The following CREBBP variants were observed in gnomAD, a reference collection of about 807,000 sequenced individuals.
CREBBP encodes CREB binding lysine acetyltransferase.
A neutral mutation model predicts 265.0 loss-of-function variants in CREBBP; 19 were observed. The observed-to-expected ratio is 0.07, with a 90% CI of 0.05 to 0.11. The LOEUF (loss-of-function observed/expected upper bound fraction) is 0.11. CREBBP is among the 10% of genes least tolerant of loss of function. The probability of loss-of-function intolerance (pLI) is 1.00; values close to 1 mark genes in which losing one functional copy is unlikely to be tolerated. For synonymous variants in CREBBP, 1,457 were observed against 1,223.7 expected (o/e 1.19, Z -3.98); for missense variants, 2,525 against 3,219.0 (o/e 0.78, Z 5.22).
At chr16:3,801,181 C>G (rs1391829933) in intron 3 of CREBBP, among the ~76,000 whole-genome samples, 1 of 152,204 alleles carries the variant, frequency 6.6e-6, no homozygotes, top group Admixed American at 6.5e-5. Context: ...TCCTGCAGCT[C>G]TCTGTGCCCC....
At chr16:3,816,931 C>A (rs2054047480) in intron 2 of CREBBP, among the ~76,000 whole-genome samples, 1 of 152,126 alleles carries the variant, frequency 6.6e-6, no homozygotes, top group African/African-American at 2.4e-5. Flanking sequence ...TGACCAAAGT[C>A]AAGGCACAAA....
intron 22 of CREBBP, 97 bp from the exon 23 acceptor site, chr16:3,745,058 T>C: frequency 9.9e-7 from 1 of 1,011,590 alleles, no homozygotes; most frequent in Admixed American, 1.8e-5. Context: ...GCAGTTTAAA[T>C]CACATTATTA....
intron 27 of CREBBP, 75 bp from the exon 28 acceptor site, chr16:3,736,278 C>A: frequency 6.8e-7 from 1 of 1,462,078 alleles, no homozygotes; most frequent in Non-Finnish European, 9.6e-7. Flanking sequence ...CAGACCCCCA[C>A]GCAAGCGTGC....
At position 3,729,146 on chromosome 16, in the gene CREBBP, C is replaced by A. The variant is rs2151307425; in HGVS notation, c.5901G>T (p.Gln1967His). Residue 1967 changes from glutamine (Q) to histidine (H), a missense_variant, in exon 31 of 31, where the codon CAG becomes CAT. Physicochemically the swap from Gln to His is conservative, Grantham distance 24. Coordinates refer to ENST00000262367, the MANE Select transcript of CREBBP (RefSeq NM_004380.3). ...TCACCCGGTACAGGTGCTGCTGCTG[C>A]TGGGCCTCACGCTCGATCTGCCGAG... is the stretch of plus-strand genomic sequence containing the variant. ...EAARQIEREAQQQQHLYRVNI... is the reference protein window; with the variant it reads ...EAARQIEREAHQQQHLYRVNI... The A allele has an allele frequency of 6.7e-7, 1 of 1,498,968 alleles. No homozygotes were observed. Among genetic ancestry groups the A allele is most frequent in the Non-Finnish European group, 8.9e-7 (1 of 1,122,696 alleles). 92.9% of individuals were successfully genotyped at this position (1,498,968 alleles called of 1,614,324 possible).
At chr16:3,771,138 G>A (rs992180367) in intron 13 of CREBBP, 152 bp from the exon 14 acceptor site, 19 of 806,294 alleles carry the variant, frequency 2.4e-5, no homozygotes, top group African/African-American at 1.5e-4. Flanking sequence ...GTGCGATCTC[G>A]GCTCACTGCA....
chr16:3,770,687 T>C lies in CREBBP; in HGVS notation c.2763A>G (p.Ala921=), dbSNP rs2141200314. ...GCTGCGGGGTCACCTGGGCCTGGGC[T>C]GCTGCCTGGACTGTAGGGGTGCTCT... ...QTQSTPTVQA[A]AQAQVTPQPQ... Residue 921 remains alanine, a synonymous_variant, in exon 14 of 31, where the codon GCA becomes GCG. Coordinates refer to ENST00000262367, the MANE Select transcript of CREBBP (RefSeq NM_004380.3). The C allele has an allele frequency of 6.2e-7, 1 of 1,614,038 alleles. No homozygotes were observed. The highest frequency in any genetic ancestry group is 1.1e-5 in the South Asian group (1 of 91,072).
chr16:3,777,117 C>T lies in CREBBP; in HGVS notation c.2158+496G>A, dbSNP rs371302852. Among the ~76,000 whole-genome samples the T allele has an allele frequency of 7.3e-4, 111 of 152,108 alleles. 4 individuals are homozygous for T. In the South Asian group the frequency reaches 0.022, roughly 30 times the overall value. The stretch of plus-strand genomic sequence containing the variant: ...CAGCACTTTGGGAGGCTGAGGTGGA[C>T]GGATCACGGAGATCAAGACCATCCT... On this transcript the variant is annotated intron_variant, in intron 11 of 30. Transcript: ENST00000262367.
At chr16:3,736,514 T>C (rs900844194) in intron 27 of CREBBP, 136 bp downstream of exon 27, 36 of 1,328,068 alleles carry the variant, frequency 2.7e-5, no homozygotes, top group Non-Finnish European at 1.9e-5. Flanking sequence ...AGTTCTCACT[T>C]TAGGCTTTTA....
intron 1 of CREBBP, among the ~76,000 whole-genome samples, chr16:3,874,886 A>G (rs2055368511): frequency 6.6e-6 from 1 of 152,274 alleles, no homozygotes; most frequent in African/African-American, 2.4e-5. Context: ...TGGGACCCCA[A>G]AAACTAAACT....
chr16:3,861,824 G>T (rs1046465915), intron 1 of CREBBP, among the ~76,000 whole-genome samples: 2 of 149,068 alleles, frequency 1.3e-5, no homozygotes, highest in African/African-American at 2.5e-5. Context: ...AAAATCTTCC[G>T]TAATTCAGGC....
intron 2 of CREBBP, among the ~76,000 whole-genome samples, chr16:3,834,563 T>A (rs1441573380): frequency 6.6e-6 from 1 of 152,136 alleles, no homozygotes; most frequent in Non-Finnish European, 1.5e-5. Context: ...AGACGGCTTT[T>A]AGGGCAGTGA....
At chr16:3,782,298 G>C (rs764359488) in intron 6 of CREBBP, among the ~76,000 whole-genome samples, 1 of 152,148 alleles carries the variant, frequency 6.6e-6, no homozygotes, top group Non-Finnish European at 1.5e-5. Context: ...CTGAGGGGTA[G>C]ACCCTAACCA....
Position 3,726,505 on chromosome 16 carries a change from C to T in CREBBP, c.*1213G>A, listed in dbSNP as rs376154310. 8.0e-4 allele frequency: 187 copies of T among 233,570 alleles called. No homozygotes were observed. Among genetic ancestry groups the T allele is most frequent in the Admixed American group, 4.3e-3 (76 of 17,804 alleles). The allele number at this position is 233,570 out of a possible 1,614,324, so 14.5% of individuals were successfully genotyped here. ...CACAGTTCCCAGCCACCACCCACGCCGCCACAACCACAACCGCAGCCCCAG... is the reference window on the plus strand; with the variant it reads ...CACAGTTCCCAGCCACCACCCACGCTGCCACAACCACAACCGCAGCCCCAG... On this transcript the variant is annotated 3_prime_UTR_variant, in exon 31 of 31. Transcript: ENST00000262367.
chr16:3,733,088 C>T (rs367713977), intron 28 of CREBBP, among the ~76,000 whole-genome samples: 6 of 151,936 alleles, frequency 3.9e-5, no homozygotes, highest in East Asian at 3.9e-4. Flanking sequence ...TCCAGCCGGG[C>T]GGGGTGGCTC....
At chr16:3,742,681 G>A (rs1056541304) in intron 23 of CREBBP, 2 of 152,104 alleles carry the variant, frequency 1.3e-5, no homozygotes, top group Non-Finnish European at 2.9e-5. Flanking sequence ...TATGGTGTAT[G>A]CGAAGGAGAT....
At position 3,729,179 on chromosome 16, in the gene CREBBP, C is replaced by T. The variant is rs2151307642; in HGVS notation, c.5868G>A (p.Val1956=). ...CACGCTCGATCTGCCGAGCCGCTTC[C>T]ACCGCTGCAGGAGGGGGCTGGGCCG... is the stretch of plus-strand genomic sequence containing the variant. ...PPPAQPPPAA[V]EAARQIEREA... is the part of the protein sequence containing the mutation. Residue 1956 remains valine, a synonymous_variant, in exon 31 of 31, where the codon GTG becomes GTA. Coordinates refer to ENST00000262367, the MANE Select transcript of CREBBP (RefSeq NM_004380.3). 28 of 1,537,542 alleles carry T rather than the reference C, an allele frequency of 1.8e-5. No individual in the cohort carries two copies. The highest frequency in any genetic ancestry group is 2.3e-5 in the Non-Finnish European group (26 of 1,147,716).
intron 21 of CREBBP, 102 bp from the exon 22 acceptor site, chr16:3,745,456 C>A (rs2052320340): frequency 2.0e-6 from 2 of 1,017,280 alleles, no homozygotes; most frequent in Admixed American, 3.9e-5. Flanking sequence ...CTCTGGGTTA[C>A]TTTGAGTAGT....
In CREBBP at chr16:3,793,304, T is replaced by C. The variant is rs542316120; in HGVS notation, c.1216+82A>G. The C allele has an allele frequency of 7.5e-6, 12 of 1,593,874 alleles. No homozygotes were observed. The East Asian group carries it at 1.6e-4, about 21-fold the overall frequency. On this transcript the variant is annotated intron_variant, in intron 4 of 30. Transcript: ENST00000262367. Reference sequence around the variant, plus strand: ...CAGCACTCAGGCTGCCGGAGCCTTATGAACCAGAGAGCTGCTGTAAGAACA... The same window carrying C: ...CAGCACTCAGGCTGCCGGAGCCTTACGAACCAGAGAGCTGCTGTAAGAACA...
At chr16:3,765,885 G>A (rs1331914060) in intron 16 of CREBBP, among the ~76,000 whole-genome samples, 1 of 152,040 alleles carries the variant, frequency 6.6e-6, no homozygotes, top group African/African-American at 2.4e-5. Flanking sequence ...CTCCAGGCTA[G>A]AGTGCAGTGG....
Sources: allele counts gnomAD v4.1 joint callset (sites outside exome capture counted in the v4.1 genomes callset), GRCh38; gene constraint gnomAD v4.1.1; transcripts MANE v1.5; gene names NCBI Gene and HGNC (gene_info 2026-07-23, HGNC 2026-07-21).